Variants in KIF25 observed in about 807,000 individuals in gnomAD.
The protein encoded by KIF25 is kinesin family member 25, also known as kinesin-like protein KIF25.
A neutral mutation model predicts 32.9 loss-of-function variants in KIF25; 19 were observed. That is an observed-to-expected ratio of 0.58 (90% CI 0.40 to 0.85). The LOEUF (loss-of-function observed/expected upper bound fraction) is 0.85. KIF25 is among the 40% of genes least tolerant of loss of function. KIF25 has a pLI of 0.00. For synonymous variants in KIF25, 225 were observed against 213.7 expected, an observed-to-expected ratio of 1.05 and a Z score of -0.46; for missense variants, 485 against 507.0, an observed-to-expected ratio of 0.96 and a Z score of 0.42.
intron 9 of KIF25, among the ~76,000 whole-genome samples, chr6:168,039,074 A>T (rs76942548): frequency 0.033 from 5,018 of 152,322 alleles, 123 homozygotes; most frequent in Non-Finnish European, 0.051. Flanking sequence ...AACATACACA[A>T]TTTTCATGTC....
rs143333045 is a variant in KIF25, at chr6:168,044,084, C to T, written c.986-743C>T. Among the ~76,000 whole-genome samples, 94 of 152,330 alleles carry T rather than the reference C, an allele frequency of 6.2e-4. 1 individual carries two copies. The East Asian group carries it at 0.017, about 28-fold the overall frequency. On this transcript the variant is annotated intron_variant, in intron 12 of 12. Coordinates refer to ENST00000643607, the MANE Select transcript of KIF25 (RefSeq NM_030615.4). ...GGGCTGACTTCATACCTCCCAATTC[C>T]CGGGACACAGGAGTGTGAGTAGAAG...
chr6:168,008,408 T>C (rs917947784), intron 4 of KIF25, among the ~76,000 whole-genome samples: 1 of 152,220 alleles, frequency 6.6e-6, no homozygotes, highest in African/African-American at 2.4e-5. Flanking sequence ...AATTTCTGGG[T>C]TCTCTATTCT....
intron 4 of KIF25, among the ~76,000 whole-genome samples, chr6:168,012,522 G>A (rs915121781): frequency 3.9e-5 from 6 of 152,144 alleles, no homozygotes; most frequent in Non-Finnish European, 7.3e-5. Flanking sequence ...TCTCGGGTTC[G>A]GGATACACAC....
intron 4 of KIF25, among the ~76,000 whole-genome samples, chr6:168,016,643 C>T (rs867157280): frequency 9.9e-5 from 15 of 152,266 alleles, no homozygotes; most frequent in Admixed American, 6.5e-5. Context: ...TCACCCACTC[C>T]CTCCCTCTTA....
chr6:168,011,715 T>C (rs2114874528), intron 4 of KIF25, among the ~76,000 whole-genome samples: 1 of 152,334 alleles, frequency 6.6e-6, no homozygotes, highest in East Asian at 1.9e-4. Flanking sequence ...AGATGTCCAT[T>C]TCTCTCACAA....
In KIF25 at chr6:168,045,015, C is replaced by A; in HGVS notation, c.*19C>A. The A allele has an allele frequency of 6.4e-7, 1 of 1,571,886 alleles. No individual in the cohort carries two copies. The highest frequency in any genetic ancestry group is 8.6e-7 in the Non-Finnish European group (1 of 1,156,152). ...GGATTGAATGCATTAACAAGTTTTT[C>A]TCCTAAAACTGTGTTTCTTGTCCTT... On this transcript the variant is annotated 3_prime_UTR_variant, in exon 13 of 13. Coordinates refer to ENST00000643607, the MANE Select transcript of KIF25 (RefSeq NM_030615.4).
intron 4 of KIF25, among the ~76,000 whole-genome samples, chr6:168,016,789 T>TGGCC (rs1798720547): frequency 6.6e-6 from 1 of 152,176 alleles, no homozygotes; most frequent in Non-Finnish European, 1.5e-5. Context: ...AGTTAGGGGA[T>TGGCC]AGCCAGGGCG....
intron 5 of KIF25, among the ~76,000 whole-genome samples, chr6:168,025,951 C>G (rs1251486226): frequency 2.6e-5 from 4 of 152,164 alleles, no homozygotes; most frequent in African/African-American, 4.8e-5. Context: ...AGAGCTTGAG[C>G]TGGGTGGAGT....
intron 7 of KIF25, among the ~76,000 whole-genome samples, chr6:168,031,744 A>T (rs1798945514): frequency 6.6e-6 from 1 of 152,258 alleles, no homozygotes; most frequent in Admixed American, 6.5e-5. Flanking sequence ...TCGTGGTCAC[A>T]GTGATCACTG....
At chr6:168,037,042 A>G (rs1799034486) in intron 8 of KIF25, among the ~76,000 whole-genome samples, 1 of 152,208 alleles carries the variant, frequency 6.6e-6, no homozygotes, top group Non-Finnish European at 1.5e-5. Flanking sequence ...AGCCTGGGTG[A>G]CAGAGCGAGA....
rs570986269 is a variant in KIF25, at chr6:168,002,902, G to T, written c.-253+243G>T. 6.6e-5 allele frequency among the ~76,000 whole-genome samples: 10 copies of T among 152,336 alleles called. No homozygotes were observed. The East Asian group carries it at 1.9e-3, about 29-fold the overall frequency. ...GGCATCAGAGTCTCATAAGGAGTGT[G>T]CAACCTGCATCCCTCACATGCACAG... On this transcript the variant is annotated intron_variant, in intron 3 of 12. Transcript: ENST00000643607.
At chr6:168,038,831 C>A in intron 9 of KIF25, 102 bp downstream of exon 9, 1 of 1,191,834 alleles carries the variant, frequency 8.4e-7, no homozygotes, top group South Asian at 1.5e-5. Flanking sequence ...GAGCTCCCCA[C>A]GCCCAAGGAT....
chr6:168,031,797 GT>G (rs1388167803), intron 7 of KIF25, among the ~76,000 whole-genome samples: 2 of 152,236 alleles, frequency 1.3e-5, no homozygotes, highest in Non-Finnish European at 2.9e-5. Context: ...GATGGAGTTA[GT>G]TTGAGTTCTG....
intron 7 of KIF25, among the ~76,000 whole-genome samples, chr6:168,031,510 G>A (rs1416812081): frequency 6.6e-6 from 1 of 152,184 alleles, no homozygotes; most frequent in East Asian, 1.9e-4. Flanking sequence ...GCGTCCCAAA[G>A]GCACATGATC....
chr6:168,009,203 G>A (rs564577831), intron 4 of KIF25, among the ~76,000 whole-genome samples: 1 of 151,930 alleles, frequency 6.6e-6, no homozygotes, highest in East Asian at 1.9e-4. Flanking sequence ...CTGTGGGTTT[G>A]TTATATATTG....
At chr6:168,023,510 G>A (rs932459951) in intron 5 of KIF25, among the ~76,000 whole-genome samples, 11 of 151,784 alleles carry the variant, frequency 7.2e-5, no homozygotes, top group African/African-American at 2.4e-4. Flanking sequence ...TCAAGTGATC[G>A]GCCCACCTTG....
In KIF25 at chr6:168,041,998, A is replaced by G. The variant is rs1225078543; in HGVS notation, c.676A>G (p.Arg226Gly). 1.3e-6 allele frequency: 2 copies of G among 1,552,036 alleles called. No homozygotes were observed. Among genetic ancestry groups the G allele is most frequent in the East Asian group, 2.4e-5 (1 of 40,982 alleles). The change falls in exon 11 of 13, where the codon AGG (arginine) becomes GGG (glycine). Residue 226 changes from arginine to glycine, a missense_variant. Physicochemically the swap from Arg to Gly is moderately radical, Grantham distance 125 (BLOSUM62 -2). Transcript: ENST00000643607. ...CCAAGCCTGCAGTGCCACCCTCCCC[A>G]GGGAGCAAACAGAGGCAGGAAGGGC... ...ADQACSATLP[R>G]EQTEAGRAGR...
At chr6:168,038,508 C>T (rs373816022) in intron 8 of KIF25, 45 bp from the exon 9 acceptor site, 1 of 1,599,860 alleles carries the variant, frequency 6.3e-7, no homozygotes, top group Non-Finnish European at 8.6e-7. Flanking sequence ...CTGAAAATCA[C>T]TCTGTGAGAC....
intron 4 of KIF25, among the ~76,000 whole-genome samples, chr6:168,013,899 G>T (rs1562382494): frequency 1.3e-5 from 2 of 152,134 alleles, no homozygotes; most frequent in Admixed American, 1.3e-4. Flanking sequence ...CATAGTCCGA[G>T]CTCAGCTGTG....
Sources: allele counts gnomAD v4.1 joint callset (sites outside exome capture counted in the v4.1 genomes callset), GRCh38; gene constraint gnomAD v4.1.1; transcripts MANE v1.5; gene names NCBI Gene and HGNC (gene_info 2026-07-23, HGNC 2026-07-21).